BRIX1: variants seen among roughly 807,000 people sequenced by gnomAD.
The protein encoded by BRIX1 is ribosome biogenesis protein BRX1 homolog.
Under a neutral mutation model 44.0 loss-of-function variants are expected in BRIX1, and 15 were observed. The observed-to-expected ratio is 0.34, with a 90% CI of 0.23 to 0.53. BRIX1 has a LOEUF of 0.53. Ranked by LOEUF, BRIX1 falls within the 20% of genes least tolerant of loss-of-function variation. The probability of loss-of-function intolerance (pLI) is 0.95; values close to 1 mark genes in which losing one functional copy is unlikely to be tolerated. For synonymous variants in BRIX1, 149 were observed against 135.4 expected, an observed-to-expected ratio of 1.10 and a Z score of -0.70; for missense variants, 420 against 432.8, an observed-to-expected ratio of 0.97 and a Z score of 0.26.
At chr5:34,923,743 GT>G (rs1764291829) in intron 8 of BRIX1, among the ~76,000 whole-genome samples, 1 of 152,158 alleles carries the variant, frequency 6.6e-6, no homozygotes, top group African/African-American at 2.4e-5. Flanking sequence ...GATATACAGG[GT>G]TTGCATACAC....
At chr5:34,917,038 TATA>T (rs1225933821) in intron 1 of BRIX1, among the ~76,000 whole-genome samples, 5 of 152,162 alleles carry the variant, frequency 3.3e-5, no homozygotes, top group Admixed American at 1.3e-4. Context: ...TTTACCCTAG[TATA>T]ATAAGATAAA....
intron 2 of BRIX1, among the ~76,000 whole-genome samples, chr5:34,919,273 T>G (rs1209828700): frequency 4.6e-5 from 2 of 43,654 alleles, no homozygotes; most frequent in Non-Finnish European, 8.6e-5. Context: ...AGACCCTGTC[T>G]CAAAAAAAAA....
At position 34,925,225 on chromosome 5, in the gene BRIX1, G is replaced by C; in HGVS notation, c.793-1G>C. 1 of 1,421,070 alleles carries C rather than the reference G, an allele frequency of 7.0e-7. No individual in the cohort carries two copies. The allele number at this position is 1,421,070 out of a possible 1,614,324, so 88.0% of individuals were successfully genotyped here. On this transcript the variant is annotated splice_acceptor_variant, in intron 9 of 9. Transcript: ENST00000336767. LOFTEE classifies it high-confidence loss of function. ...ATCTAATCTTTTTTTTTTTTTTTTAGCATCGGCGTGTCATAAGATCCATCA... is the reference window on the plus strand; with the variant it reads ...ATCTAATCTTTTTTTTTTTTTTTTACCATCGGCGTGTCATAAGATCCATCA...
intron 9 of BRIX1, 37 bp from the exon 10 acceptor site, chr5:34,925,189 A>G: frequency 6.6e-7 from 1 of 1,510,772 alleles, no homozygotes; most frequent in South Asian, 1.3e-5. Flanking sequence ...GTTTATTTTT[A>G]TTTCAAAAGC....
In BRIX1 at chr5:34,925,440, T is replaced by G. The variant is rs77140946; in HGVS notation, c.1007T>G (p.Ile336Ser). The part of the protein sequence containing the change: ...KVDLKARKKR[I>S]YKRQRKMKQR... ...GATTTGAAAGCAAGAAAGAAACGGA[T>G]TTACAAAAGGCAAAGAAAAATGAAA... The change falls in exon 10 of 10, where the codon ATT becomes AGT. Residue 336 changes from isoleucine to serine, a missense_variant. Physicochemically the swap from Ile to Ser is moderately radical, Grantham distance 142 (BLOSUM62 -2). Coordinates refer to ENST00000336767, the MANE Select transcript of BRIX1 (RefSeq NM_018321.4). 216 of 1,613,810 alleles carry G rather than the reference T, an allele frequency of 1.3e-4. No homozygotes were observed. The African/African-American group carries it at 2.7e-3, about 20-fold the overall frequency.
chr5:34,919,133 A>G (rs1764183958), intron 2 of BRIX1: 1 of 151,334 alleles, frequency 6.6e-6, no homozygotes, highest in South Asian at 2.1e-4. Context: ...AAATTAGCCA[A>G]GTGAGGGGGT....
intron 8 of BRIX1, 40 bp downstream of exon 8, chr5:34,923,274 T>A: frequency 2.1e-6 from 3 of 1,396,832 alleles, no homozygotes; most frequent in Non-Finnish European, 3.0e-6. Context: ...TTTTTTTTAA[T>A]TGAGTTTATT....
chr5:34,919,346 G>A (rs1039653049), intron 2 of BRIX1, among the ~76,000 whole-genome samples: 11 of 149,768 alleles, frequency 7.3e-5, no homozygotes, highest in Non-Finnish European at 1.5e-4. Flanking sequence ...CTGTTGTTGT[G>A]CTTATGTTGA....
intron 3 of BRIX1, chr5:34,921,438 AAATC>A (rs1380288926): frequency 9.6e-4 from 147 of 152,374 alleles, no homozygotes; most frequent in African/African-American, 3.4e-3. Flanking sequence ...AAAAAGTTAA[AAATC>A]AAAATAATCA....
chr5:34,922,424 C>A, intron 4 of BRIX1, 115 bp from the exon 5 acceptor site: 1 of 897,982 alleles, frequency 1.1e-6, no homozygotes, highest in Non-Finnish European at 1.7e-6. Flanking sequence ...AAACTTGATA[C>A]CTTTAAAGAA....
chr5:34,922,509 A>T, intron 4 of BRIX1, 30 bp from the exon 5 acceptor site: 1 of 1,443,596 alleles, frequency 6.9e-7, no homozygotes, highest in South Asian at 1.2e-5. Flanking sequence ...TTTGCTAATT[A>T]GTTGAAAAAG....
intron 1 of BRIX1, chr5:34,916,119 C>T (rs1764077632): frequency 2.2e-6 from 1 of 449,234 alleles, no homozygotes; most frequent in Non-Finnish European, 3.9e-6. Flanking sequence ...AACCTTTACC[C>T]GGCCCACGGG....
intron 1 of BRIX1, 66 bp downstream of exon 1, chr5:34,915,963 T>C: frequency 4.1e-6 from 6 of 1,462,794 alleles, no homozygotes; most frequent in Non-Finnish European, 5.4e-6. Context: ...TTGGGTTACT[T>C]ACTTGACTAC....
At chr5:34,922,518 A>G in intron 4 of BRIX1, 21 bp from the exon 5 acceptor site, 8 of 1,551,464 alleles carry the variant, frequency 5.2e-6, no homozygotes, top group Non-Finnish European at 7.1e-6. Context: ...TAGTTGAAAA[A>G]GCTTACTCCA....
In BRIX1 at chr5:34,923,159, C is replaced by G; in HGVS notation, c.588C>G (p.Pro196=). 6.2e-7 allele frequency: 1 copy of G among 1,614,010 alleles called. No homozygotes were observed. Among genetic ancestry groups the G allele is most frequent in the South Asian group, 1.1e-5 (1 of 91,078 alleles). The change falls in exon 8 of 10, where the codon CCC becomes CCG. Residue 196 remains proline (P), a synonymous_variant. Coordinates refer to ENST00000336767, the MANE Select transcript of BRIX1 (RefSeq NM_018321.4). The part of the protein sequence containing the change: ...IQIFSTPRYH[P]KSQPFVDHVF... ...TCTTTAGTACACCACGGTATCATCC[C>G]AAAAGCCAACCATTTGTGGACCACG...
In BRIX1 at chr5:34,922,762, T is replaced by G. The variant is rs1047949447; in HGVS notation, c.504T>G (p.Phe168Leu). The G allele has an allele frequency of 6.2e-7, 1 of 1,613,962 alleles. No homozygotes were observed. Among genetic ancestry groups the G allele is most frequent in the Admixed American group, 1.7e-5 (1 of 60,024 alleles). The change falls in exon 6 of 10, where the codon TTT becomes TTG. Residue 168 changes from phenylalanine to leucine, a missense_variant. By Grantham distance (22) the Phe-to-Leu change is conservative. Transcript: ENST00000336767. ...AAGGTTCTCGGCCCCTTTTGTCTTT[T>G]GACCCTGTAAGTTTCTCATTCAGTG... ...CLKGSRPLLS[F>L]DPAFDELPHY...
At chr5:34,925,125 A>G in intron 9 of BRIX1, 101 bp from the exon 10 acceptor site, 2 of 1,441,140 alleles carry the variant, frequency 1.4e-6, no homozygotes, top group Non-Finnish European at 1.8e-6. Flanking sequence ...TTTTCATGAC[A>G]CTGGCTGAAA....
rs1325305787 is a variant in BRIX1 at position 34,925,918 on chromosome 5, G to C, written c.*423G>C. ...GTTTACTCAGTCATCAGTTAATGAA[G>C]CCATGGAAGAACCAACCCCTGATCT... is the stretch of plus-strand genomic sequence containing the variant. On this transcript the variant is annotated 3_prime_UTR_variant, in exon 10 of 10. Coordinates refer to ENST00000336767, the MANE Select transcript of BRIX1 (RefSeq NM_018321.4). 6.5e-6 allele frequency: 1 copy of C among 154,684 alleles called. No individual in the cohort carries two copies. The highest frequency in any genetic ancestry group is 2.4e-5 in the African/African-American group (1 of 41,528). The allele number at this position is 154,684 out of a possible 1,614,324, so 9.6% of individuals were successfully genotyped here.
Position 34,922,321 on chromosome 5 carries a change from AT to A in BRIX1, c.386+37del, listed in dbSNP as rs529909928. On this transcript the variant is annotated intron_variant, in intron 4 of 9. Transcript: ENST00000336767. The stretch of plus-strand genomic sequence containing the variant: ...ATGTATTAAGATTTTGGTTAAACTC[AT>A]TTAAGTGGATTTGTTCTTTGTACCT... 7.4e-5 allele frequency: 96 copies of A among 1,289,524 alleles called. No homozygotes were observed. In the African/African-American group the frequency reaches 1.3e-3, roughly 17 times the overall value. 79.9% of individuals were successfully genotyped at this position (1,289,524 alleles called of 1,614,324 possible). A position where few individuals can be genotyped will look rare whatever the true frequency, so the allele number is the denominator to read the frequency against.
Sources: gnomAD v4.1 joint callset for allele counts (sites outside exome capture counted in the v4.1 genomes callset) on GRCh38, gnomAD v4.1.1 for gene constraint, MANE v1.5 for transcripts, NCBI Gene and HGNC (gene_info 2026-07-23, HGNC 2026-07-21) for gene names.